CEP89: variants seen among roughly 807,000 people sequenced by gnomAD.
CEP89 encodes centrosomal protein of 89 kDa.
In CEP89, 95 loss-of-function variants were observed where a neutral mutation model predicts 97.6. The observed-to-expected ratio is 0.97, with a 90% CI of 0.82 to 1.15. The LOEUF (loss-of-function observed/expected upper bound fraction) is 1.15. CEP89 is among the 50% of genes most tolerant of loss of function. The probability of loss-of-function intolerance (pLI) is 0.00; values close to 1 mark genes in which losing one functional copy is unlikely to be tolerated. For synonymous variants in CEP89, 354 were observed against 349.1 expected, an observed-to-expected ratio of 1.01 and a Z score of -0.16; for missense variants, 869 against 947.7, an observed-to-expected ratio of 0.92 and a Z score of 1.09.
At chr19:32,915,581 C>A (rs1395735713) in intron 13 of CEP89, 64 bp from the exon 14 acceptor site, 5 of 1,367,490 alleles carry the variant, frequency 3.7e-6, no homozygotes, top group Non-Finnish European at 5.1e-6. Context: ...CAATTATGGG[C>A]TATTAGGAAA....
chr19:32,883,020 G>C (rs989055526), intron 17 of CEP89, among the ~76,000 whole-genome samples: 3 of 151,856 alleles, frequency 2.0e-5, no homozygotes, highest in Non-Finnish European at 4.4e-5. Context: ...CACCACACCT[G>C]GTTAATTTTT....
At position 32,926,966 on chromosome 19, in the gene CEP89, G is replaced by A. The variant is rs1211703248; in HGVS notation, c.1048C>T (p.Leu350Phe). 2 of 1,613,650 alleles carry A rather than the reference G, an allele frequency of 1.2e-6. No homozygotes were observed. Among genetic ancestry groups the A allele is most frequent in the East Asian group, 2.2e-5 (1 of 44,880 alleles). ...GGTGGTATAGGGCCCTTGGATGGGA[G>A]GCCTTCAATATTTAAGCTCTAAGAA... ...SKEESLNIEG[L>F]PSKGPIPPWL... The change falls in exon 10 of 19, where the codon CTC (leucine) becomes TTC (phenylalanine). Residue 350 changes from leucine (L) to phenylalanine (F), a missense_variant. Physicochemically the swap from Leu to Phe is conservative, Grantham distance 22. Coordinates refer to ENST00000305768, the MANE Select transcript of CEP89 (RefSeq NM_032816.5).
chr19:32,933,002 C>G lies in CEP89; in HGVS notation c.886+449G>C, dbSNP rs143743078. Among the ~76,000 whole-genome samples the G allele has an allele frequency of 6.6e-5, 10 of 152,058 alleles. No individual in the cohort carries two copies. The East Asian group carries it at 1.9e-3, about 29-fold the overall frequency. The stretch of plus-strand genomic sequence containing the variant: ...GCTTTATGAAAGAAAAAGAAAATGA[C>G]TTGCAAAGATATGAAAAAATATTCA... On this transcript the variant is annotated intron_variant, in intron 8 of 18. Transcript: ENST00000305768.
At chr19:32,966,800 G>C (rs547974715) in intron 1 of CEP89, among the ~76,000 whole-genome samples, 35 of 152,278 alleles carry the variant, frequency 2.3e-4, no homozygotes, top group African/African-American at 8.4e-4. Context: ...TCCCCCTGCA[G>C]AGCAGGGCGA....
chr19:32,887,029 CA>C (rs35547876), intron 17 of CEP89, among the ~76,000 whole-genome samples: 33,337 of 130,706 alleles, frequency 0.26, 4,809 homozygotes, highest in Non-Finnish European at 0.36. Context: ...AAAAAAAATA[CA>C]AAAAAAAAAA....
intron 17 of CEP89, among the ~76,000 whole-genome samples, chr19:32,883,008 A>G (rs113084726): frequency 0.081 from 12,315 of 151,692 alleles, 1,558 homozygotes; most frequent in African/African-American, 0.27. Context: ...ACAGGTGCCC[A>G]CCACCACACC....
intron 3 of CEP89, among the ~76,000 whole-genome samples, chr19:32,958,906 A>C (rs1971106175): frequency 6.6e-6 from 1 of 151,764 alleles, no homozygotes; most frequent in Non-Finnish European, 1.5e-5. Context: ...AGTCTCAGCT[A>C]CTCAGGAGGC....
In CEP89 at chr19:32,971,832, T is replaced by C; in HGVS notation, c.39+4A>G. 1 of 1,593,100 alleles carries C rather than the reference T, an allele frequency of 6.3e-7. No individual in the cohort carries two copies. Among genetic ancestry groups the C allele is most frequent in the Non-Finnish European group, 8.6e-7 (1 of 1,169,482 alleles). Reference sequence around the variant, plus strand: ...CCACGCGCGGCGGGCGAGCATCTACTTACGAAATGACTCCTGCGGCCTCTC... The same window carrying C: ...CCACGCGCGGCGGGCGAGCATCTACCTACGAAATGACTCCTGCGGCCTCTC... On this transcript the variant is annotated splice_donor_region_variant and intron_variant, in intron 1 of 18. Coordinates refer to ENST00000305768, the MANE Select transcript of CEP89 (RefSeq NM_032816.5).
At chr19:32,905,724 G>A (rs946789896) in intron 14 of CEP89, among the ~76,000 whole-genome samples, 2 of 152,060 alleles carry the variant, frequency 1.3e-5, no homozygotes, top group African/African-American at 4.8e-5. Flanking sequence ...TAGTATTGTT[G>A]TCTGTTCTGT....
Position 32,877,057 on chromosome 19 carries a change from T to C in CEP89, c.*2105A>G, listed in dbSNP as rs1294254314. Reference sequence around the variant, plus strand: ...GCCTGTCAGCCTGTCTACAGGAGGCTGCAGAGCGGCCGTAAATGCCTTTGA... The same window carrying C: ...GCCTGTCAGCCTGTCTACAGGAGGCCGCAGAGCGGCCGTAAATGCCTTTGA... On this transcript the variant is annotated 3_prime_UTR_variant, in exon 19 of 19. Transcript: ENST00000305768. 1.3e-5 allele frequency: 2 copies of C among 152,244 alleles called. No homozygotes were observed. Among genetic ancestry groups the C allele is most frequent in the South Asian group, 2.1e-4 (1 of 4,832 alleles). 9.4% of individuals were successfully genotyped at this position (152,244 alleles called of 1,614,324 possible).
intron 3 of CEP89, among the ~76,000 whole-genome samples, chr19:32,955,809 C>T (rs560252632): frequency 1.3e-5 from 2 of 152,082 alleles, no homozygotes; most frequent in African/African-American, 2.4e-5. Context: ...CCACTGTGTC[C>T]GGCCCATACA....
chr19:32,939,872 A>G lies in CEP89; in HGVS notation c.609T>C (p.Pro203=), dbSNP rs1970653073. The part of the protein sequence containing the change: ...QRTQQKDGKH[P]VLNLKDEKPP... ...ATGATCTTACCTTTAAATTCAGAACAGGGTGTTTACCATCTGATGAAGAAA... is the reference window on the plus strand; with the variant it reads ...ATGATCTTACCTTTAAATTCAGAACGGGGTGTTTACCATCTGATGAAGAAA... The change falls in exon 6 of 19, where the codon CCT becomes CCC. Residue 203 remains proline, a synonymous_variant. Transcript: ENST00000305768. 1.6e-6 allele frequency: 2 copies of G among 1,271,622 alleles called. No homozygotes were observed. Among genetic ancestry groups the G allele is most frequent in the Non-Finnish European group, 2.2e-6 (2 of 890,150 alleles). 78.8% of individuals were successfully genotyped at this position (1,271,622 alleles called of 1,614,324 possible).
intron 5 of CEP89, among the ~76,000 whole-genome samples, chr19:32,944,233 A>AAAAAAAAAAAAAAAAAAAAAG (rs1970748935): frequency 1.6e-5 from 2 of 121,684 alleles, no homozygotes; most frequent in Non-Finnish European, 3.5e-5. Flanking sequence ...AAAAAAAAAA[A>AAAAAAAAAAAAAAAAAAAAAG]AAAAGACTCT....
chr19:32,879,292 G>GT lies in CEP89; in HGVS notation c.2221dup (p.Thr741AsnfsTer35), dbSNP rs1969228404. 6 of 1,614,240 alleles carry GT rather than the reference G, an allele frequency of 3.7e-6. No homozygotes were observed. The East Asian group carries it at 1.3e-4, about 36-fold the overall frequency. ...GGGGTTGTCCTGCACGCCTGTCCTC[G>GT]TGAGTGTGTCCTGGAGAAGTTCTCG... On this transcript the variant is annotated frameshift_variant, in exon 19 of 19. Coordinates refer to ENST00000305768, the MANE Select transcript of CEP89 (RefSeq NM_032816.5). LOFTEE classifies it low-confidence loss of function (END_TRUNC).
At chr19:32,902,010 C>CTGTGTGTGTGTGTGTGTGTGTGTG (rs929591410) in intron 14 of CEP89, among the ~76,000 whole-genome samples, 9 of 133,728 alleles carry the variant, frequency 6.7e-5, no homozygotes, top group Non-Finnish European at 9.4e-5. Flanking sequence ...CTCTCTCTCT[C>CTGTGTGTGTGTGTGTGTGTGTGTG]TGTGTGTGTG....
chr19:32,896,253 A>G (rs891987471), intron 16 of CEP89, among the ~76,000 whole-genome samples: 1 of 152,214 alleles, frequency 6.6e-6, no homozygotes, highest in African/African-American at 2.4e-5. Context: ...ATAGCACAGT[A>G]TCAGTACAAA....
intron 16 of CEP89, among the ~76,000 whole-genome samples, chr19:32,898,833 G>A (rs1385494672): frequency 1.4e-5 from 2 of 142,330 alleles, no homozygotes; most frequent in African/African-American, 5.3e-5. Context: ...AGTGAGCCGA[G>A]ATCACGCCAC....
intron 18 of CEP89, among the ~76,000 whole-genome samples, chr19:32,881,148 TA>T (rs899667811): frequency 1.3e-5 from 2 of 152,016 alleles, no homozygotes; most frequent in African/African-American, 4.8e-5. Context: ...ATGAAGAGTT[TA>T]AAAAAGTTGG....
chr19:32,970,648 C>G (rs1051538008), intron 1 of CEP89: 1 of 152,188 alleles, frequency 6.6e-6, no homozygotes, highest in Non-Finnish European at 1.5e-5. Context: ...AGGTGCCCAC[C>G]ACCACGCCCG....
Sources: gnomAD v4.1 joint callset for allele counts (sites outside exome capture counted in the v4.1 genomes callset) on GRCh38, gnomAD v4.1.1 for gene constraint, MANE v1.5 for transcripts, NCBI Gene and HGNC (gene_info 2026-07-23, HGNC 2026-07-21) for gene names.